Variants in IPO7 observed in about 807,000 individuals in gnomAD.
IPO7 encodes the protein importin 7.
A neutral mutation model predicts 136.4 loss-of-function variants in IPO7; 13 were observed. The observed-to-expected ratio is 0.10, with a 90% CI of 0.06 to 0.15. The LOEUF is 0.15. Ranked by LOEUF, IPO7 falls within the 10% of genes least tolerant of loss-of-function variation. IPO7 has a pLI of 1.00. For missense variants in IPO7, 857 were observed against 1,240.6 expected (o/e 0.69, Z 4.65); for synonymous variants, 403 against 404.4 (o/e 1.00, Z 0.04).
intron 5 of IPO7, among the ~76,000 whole-genome samples, chr11:9,415,588 C>G (rs1015447855): frequency 6.6e-6 from 1 of 152,144 alleles, no homozygotes; most frequent in Non-Finnish European, 1.5e-5. Context: ...CCTGTAATCC[C>G]AGCACTTTGG....
chr11:9,424,523 C>T (rs975689292), intron 10 of IPO7, among the ~76,000 whole-genome samples: 13 of 152,274 alleles, frequency 8.5e-5, no homozygotes, highest in South Asian at 2.1e-4. Flanking sequence ...GCAGGCAGAT[C>T]GTTTGAGGTC....
At chr11:9,403,561 AT>A in intron 2 of IPO7, 190 bp downstream of exon 2, 1 of 516,720 alleles carries the variant, frequency 1.9e-6, no homozygotes, top group Non-Finnish European at 3.4e-6. Flanking sequence ...ATAATTTGAC[AT>A]TTAGTTGAAT....
intron 6 of IPO7, among the ~76,000 whole-genome samples, chr11:9,417,447 A>G (rs146688499): frequency 6.6e-6 from 1 of 152,086 alleles, no homozygotes; most frequent in African/African-American, 2.4e-5. Flanking sequence ...TTAAGAGCTC[A>G]TAGCTGGCTC....
chr11:9,384,851 A>AG lies in IPO7; in HGVS notation c.84+6dup, dbSNP rs768684362. The AG allele has an allele frequency of 6.3e-7, 1 of 1,592,358 alleles. No individual in the cohort carries two copies. The highest frequency in any genetic ancestry group is 1.1e-5 in the South Asian group (1 of 88,014). On this transcript the variant is annotated splice_donor_region_variant and intron_variant, in intron 1 of 24. Transcript: ENST00000379719. ...CGCGGAGCGCCAGCTCAATGAAGTA[A>AG]GGACGCCCGGCTAGCGGTGGCGGCG...
intron 18 of IPO7, among the ~76,000 whole-genome samples, 199 bp downstream of exon 18, chr11:9,434,045 T>C (rs969423309): frequency 2.6e-5 from 4 of 151,788 alleles, no homozygotes; most frequent in Non-Finnish European, 5.9e-5. Flanking sequence ...TGCCTCAGCC[T>C]CCCAAGTAGC....
intron 1 of IPO7, among the ~76,000 whole-genome samples, chr11:9,402,004 T>C (rs1407766088): frequency 1.3e-5 from 2 of 152,218 alleles, no homozygotes; most frequent in Non-Finnish European, 2.9e-5. Flanking sequence ...CGTATGTGTC[T>C]GGCCATTTAA....
At chr11:9,439,562 G>GTTT (rs1021895109) in intron 22 of IPO7, among the ~76,000 whole-genome samples, 1 of 151,550 alleles carries the variant, frequency 6.6e-6, no homozygotes, top group African/African-American at 2.4e-5. Flanking sequence ...ATTTATGGGG[G>GTTT]TTTTTTTTGT....
chr11:9,423,882 G>C lies in IPO7; in HGVS notation c.1141+6G>C. Reference sequence around the variant, plus strand: ...ATATATACGCATGAAGTTTGGTAAGGAATTTTCACGTTTTTAGAAACAAAA... The same window carrying C: ...ATATATACGCATGAAGTTTGGTAAGCAATTTTCACGTTTTTAGAAACAAAA... On this transcript the variant is annotated splice_donor_region_variant and intron_variant, in intron 10 of 24. Transcript: ENST00000379719. 6.4e-7 allele frequency: 1 copy of C among 1,555,504 alleles called. No homozygotes were observed. The highest frequency in any genetic ancestry group is 2.3e-5 in the East Asian group (1 of 44,424).
chr11:9,392,266 C>T, intron 1 of IPO7: 1 of 327,708 alleles, frequency 3.1e-6, no homozygotes, highest in Non-Finnish European at 6.0e-6. Context: ...CAACCTCCGC[C>T]TCCCGGATTC....
chr11:9,422,466 C>G (rs1855147670), intron 8 of IPO7, among the ~76,000 whole-genome samples: 1 of 151,816 alleles, frequency 6.6e-6, no homozygotes, highest in Non-Finnish European at 1.5e-5. Context: ...CTAGTAGATC[C>G]TCTGAAATAG....
intron 16 of IPO7, among the ~76,000 whole-genome samples, chr11:9,431,465 A>ATTT (rs5789607): frequency 1.4e-5 from 2 of 145,736 alleles, no homozygotes; most frequent in Non-Finnish European, 3.0e-5. Context: ...GTAATAATGG[A>ATTT]TTTTTTTTTT....
chr11:9,403,407 T>C (rs1436068510), intron 2 of IPO7, 36 bp downstream of exon 2: 2 of 1,474,690 alleles, frequency 1.4e-6, no homozygotes, highest in African/African-American at 1.4e-5. Context: ...GTATGTAATC[T>C]ATTGTTTAAA....
chr11:9,425,394 C>G, intron 12 of IPO7, 132 bp downstream of exon 12: 6 of 644,526 alleles, frequency 9.3e-6, no homozygotes, highest in South Asian at 1.8e-5. Flanking sequence ...ATTGCCTGAG[C>G]CCAGGAGTTT....
chr11:9,427,631 A>G (rs1016888102), intron 12 of IPO7, among the ~76,000 whole-genome samples: 3 of 152,216 alleles, frequency 2.0e-5, no homozygotes, highest in Non-Finnish European at 4.4e-5. Context: ...AAGACATTCT[A>G]ATCATTTGTG....
intron 1 of IPO7, among the ~76,000 whole-genome samples, chr11:9,400,554 TG>T (rs1411699475): frequency 6.6e-6 from 1 of 151,982 alleles, no homozygotes; most frequent in Admixed American, 6.6e-5. Context: ...CCAGAGTAGC[TG>T]GGGACTACAG....
At chr11:9,412,889 A>AT (rs1163764184) in intron 4 of IPO7, among the ~76,000 whole-genome samples, 13,977 of 126,324 alleles carry the variant, frequency 0.11, 944 homozygotes, top group African/African-American at 0.12. Flanking sequence ...TGATTGATTG[A>AT]TTTTTTTTTT....
At chr11:9,439,610 G>A (rs1311409774) in intron 22 of IPO7, among the ~76,000 whole-genome samples, 1 of 151,134 alleles carries the variant, frequency 6.6e-6, no homozygotes, top group Non-Finnish European at 1.5e-5. Flanking sequence ...ACGGAATCTC[G>A]TTCTGTCGCC....
At chr11:9,427,693 A>C (rs1855232583) in intron 12 of IPO7, among the ~76,000 whole-genome samples, 1 of 152,338 alleles carries the variant, frequency 6.6e-6, no homozygotes, top group African/African-American at 2.4e-5. Context: ...AAGTTTATCT[A>C]TTCTTACCTT....
chr11:9,421,541 T>A (rs1410896352), intron 8 of IPO7, among the ~76,000 whole-genome samples: 1 of 150,444 alleles, frequency 6.6e-6, no homozygotes, highest in African/African-American at 2.5e-5. Flanking sequence ...GGCAGGAGAA[T>A]GGCTTGAACC....
Sources: allele counts gnomAD v4.1 joint callset (sites outside exome capture counted in the v4.1 genomes callset), GRCh38; gene constraint gnomAD v4.1.1; transcripts MANE v1.5; gene names NCBI Gene and HGNC (gene_info 2026-07-23, HGNC 2026-07-21).